Variants in NEBL observed in about 807,000 individuals in gnomAD.
NEBL encodes the protein nebulette.
Under a neutral mutation model 140.2 loss-of-function variants are expected in NEBL, and 122 were observed. That is an observed-to-expected ratio of 0.87 (90% CI 0.75 to 1.01). The LOEUF (loss-of-function observed/expected upper bound fraction) is 1.01. NEBL is among the 50% of genes least tolerant of loss of function. The pLI is 0.00. For synonymous variants in NEBL, 436 were observed against 398.9 expected, an observed-to-expected ratio of 1.09 and a Z score of -1.11; for missense variants, 1,365 against 1,231.3, an observed-to-expected ratio of 1.11 and a Z score of -1.62.
chr10:21,151,132 G>A (rs777068557), intron 2 of NEBL, among the ~76,000 whole-genome samples: 13 of 152,154 alleles, frequency 8.5e-5, no homozygotes, highest in Admixed American at 2.0e-4. Flanking sequence ...CGATTCTTCT[G>A]CAGGATTTTT....
chr10:21,101,269 G>C (rs1837465043), intron 2 of NEBL, among the ~76,000 whole-genome samples: 1 of 152,196 alleles, frequency 6.6e-6, no homozygotes, highest in South Asian at 2.1e-4. Context: ...CTTCCCTGTG[G>C]CTAAGGCTGC....
chr10:20,832,748 G>A (rs1164201000), intron 14 of NEBL, among the ~76,000 whole-genome samples: 2 of 152,164 alleles, frequency 1.3e-5, no homozygotes, highest in African/African-American at 2.4e-5. Context: ...CTCAAATTTA[G>A]GTAAGTGGTA....
chr10:20,812,000 G>A (rs1389156470), intron 24 of NEBL, among the ~76,000 whole-genome samples: 1 of 152,136 alleles, frequency 6.6e-6, no homozygotes, highest in East Asian at 1.9e-4. Flanking sequence ...CAGATAGCAG[G>A]AATAAAAGTT....
At chr10:20,910,909 T>C (rs927109268) in intron 4 of NEBL, among the ~76,000 whole-genome samples, 3 of 151,724 alleles carry the variant, frequency 2.0e-5, no homozygotes, top group African/African-American at 7.3e-5. Flanking sequence ...GGTTCATGCC[T>C]GTAATCCCAG....
At chr10:21,039,580 G>C (rs1028771381) in intron 2 of NEBL, among the ~76,000 whole-genome samples, 3 of 152,122 alleles carry the variant, frequency 2.0e-5, no homozygotes, top group African/African-American at 7.2e-5. Context: ...GAAGATTCAA[G>C]AGAGAACTAA....
intron 2 of NEBL, among the ~76,000 whole-genome samples, chr10:21,022,233 CCT>C (rs943083914): frequency 1.3e-5 from 2 of 152,106 alleles, no homozygotes; most frequent in African/African-American, 4.8e-5. Context: ...CTTTCTAGCC[CCT>C]CTCCTTTCTG....
chr10:20,892,777 T>C (rs1847136582), intron 2 of NEBL, among the ~76,000 whole-genome samples: 1 of 152,202 alleles, frequency 6.6e-6, no homozygotes, highest in South Asian at 2.1e-4. Flanking sequence ...TGAAATCGGA[T>C]GACAGACATG....
At chr10:21,098,257 T>C (rs922480220) in intron 2 of NEBL, among the ~76,000 whole-genome samples, 1 of 152,064 alleles carries the variant, frequency 6.6e-6, no homozygotes, top group Non-Finnish European at 1.5e-5. Flanking sequence ...CTTGTACACA[T>C]TCACACACAC....
chr10:20,903,036 A>G (rs1847936773), intron 4 of NEBL, among the ~76,000 whole-genome samples: 1 of 152,230 alleles, frequency 6.6e-6, no homozygotes, highest in African/African-American at 2.4e-5. Flanking sequence ...AATGATTCTT[A>G]TCCATAGAAA....
intron 26 of NEBL, 46 bp from the exon 27 acceptor site, chr10:20,787,354 C>G: frequency 6.9e-7 from 1 of 1,439,734 alleles, no homozygotes; most frequent in Non-Finnish European, 9.7e-7. Flanking sequence ...TAAAGTTAGC[C>G]TCGAAATACC....
chr10:21,179,083 A>C (rs1401559505), upstream of NEBL, among the ~76,000 whole-genome samples: 7 of 152,352 alleles, frequency 4.6e-5, no homozygotes, highest in East Asian at 1.3e-3. Context: ...GTGTAATCAC[A>C]AGGGGCCTCC....
chr10:20,947,562 T>C (rs1332675602), intron 4 of NEBL, among the ~76,000 whole-genome samples: 1 of 152,154 alleles, frequency 6.6e-6, no homozygotes, highest in Non-Finnish European at 1.5e-5. Context: ...GTCACAGTAA[T>C]AATCGATGGA....
intron 1 of NEBL, among the ~76,000 whole-genome samples, chr10:21,287,262 T>C (rs1451746844): frequency 1.3e-5 from 2 of 152,072 alleles, no homozygotes; most frequent in African/African-American, 4.8e-5. Context: ...TAGGCTGGGC[T>C]CAGTAGTTCA....
At position 20,831,218 on chromosome 10, in the gene NEBL, C is replaced by T; in HGVS notation, c.1649G>A (p.Arg550Lys). ...MDIPDILRAK[R>K]TSEIYSQRKY... ...AACCTGGCTATAGATTTCAGATGTC[C>T]TCTTGGCTCGAAGGATATCTGGGAT... Residue 550 changes from arginine (R) to lysine (K), a missense_variant, in exon 16 of 28, where the codon AGG becomes AAG. Coordinates refer to ENST00000377122, the MANE Select transcript of NEBL (RefSeq NM_006393.3). 6.2e-7 allele frequency: 1 copy of T among 1,613,164 alleles called. No individual in the cohort carries two copies. Among genetic ancestry groups the T allele is most frequent in the Middle Eastern group, 1.7e-4 (1 of 6,058 alleles).
At chr10:21,199,783 G>T (rs980028540) in intron 3 of NEBL, among the ~76,000 whole-genome samples, 2 of 152,196 alleles carry the variant, frequency 1.3e-5, no homozygotes, top group African/African-American at 4.8e-5. Context: ...CCAAGATGAG[G>T]CTCTCACACC....
chr10:20,807,209 C>A (rs1424794696), intron 26 of NEBL, among the ~76,000 whole-genome samples: 1 of 152,120 alleles, frequency 6.6e-6, no homozygotes, highest in African/African-American at 2.4e-5. Flanking sequence ...ACCTGTAGAC[C>A]CACCTACTCA....
rs116108334 is a variant in NEBL, at chr10:21,214,526, T to C, written n.348+33395A>G. Among the ~76,000 whole-genome samples the C allele has an allele frequency of 8.2e-3, 1,233 of 150,546 alleles. 21 individuals carry two copies. The highest frequency in any genetic ancestry group is 0.029 in the African/African-American group (1,172 of 40,756). ...TGCACACACATGCACACATGCACAT[T>C]ACACACACATACACACATGCACACA... On this transcript the variant is annotated intron_variant and non_coding_transcript_variant, in intron 3 of 8. Coordinates refer to the NEBL transcript ENST00000675702.
rs188085465 is a variant in NEBL at position 21,034,692 on chromosome 10, G to A, written c.165-14491C>T. 1.3e-3 allele frequency among the ~76,000 whole-genome samples: 197 copies of A among 152,234 alleles called. 2 individuals are homozygous for A. Among genetic ancestry groups the A allele is most frequent in the African/African-American group, 4.6e-3 (193 of 41,552 alleles). On this transcript the variant is annotated intron_variant, in intron 2 of 6. Coordinates refer to the NEBL transcript ENST00000417816. ...TGTCTAACGGAGGAAACTGTCTAAC[G>A]CACTTCAATTTATTAAGTTCCAAAT...
chr10:21,041,367 G>A (rs1272177723), intron 2 of NEBL, among the ~76,000 whole-genome samples: 1 of 152,156 alleles, frequency 6.6e-6, no homozygotes, highest in African/African-American at 2.4e-5. Context: ...AGCTTGCAAA[G>A]CCACTGCAGC....
Sources: gnomAD v4.1 joint callset for allele counts (sites outside exome capture counted in the v4.1 genomes callset) on GRCh38, gnomAD v4.1.1 for gene constraint, MANE v1.5 for transcripts, NCBI Gene and HGNC (gene_info 2026-07-23, HGNC 2026-07-21) for gene names.